SLX9: variants seen among roughly 807,000 people sequenced by gnomAD.
The protein encoded by SLX9 is ribosome biogenesis protein SLX9 homolog.
Under a neutral mutation model 20.8 loss-of-function variants are expected in SLX9, and 19 were observed. The observed-to-expected ratio is 0.91, with a 90% confidence interval of 0.64 to 1.34. SLX9 has a LOEUF of 1.34. Ranked by LOEUF, SLX9 falls within the 40% of genes most tolerant of loss-of-function variation. SLX9 has a pLI of 0.00. For missense variants in SLX9, 299 were observed against 322.2 expected (o/e 0.93, Z 0.55); for synonymous variants, 113 against 137.1 (o/e 0.82, Z 1.23).
rs796975011 is a variant in SLX9, at chr21:44,968,059, C to CGGGCCT, written c.500+893_500+898dup. Among the ~76,000 whole-genome samples, 8 of 151,950 alleles carry CGGGCCT rather than the reference C, an allele frequency of 5.3e-5. No homozygotes were observed. In the South Asian group the frequency reaches 6.2e-4, roughly 12 times the overall value. ...CTTAGTGCATGAGTGGCCAAGCCAGCGGGCCTGGGCCTGGGCCTGGACCCC... is the reference window on the plus strand; with the variant it reads ...CTTAGTGCATGAGTGGCCAAGCCAGCGGGCCTGGGCCTGGGCCTGGGCCTGGACCCC... On this transcript the variant is annotated intron_variant, in intron 4 of 5. Transcript: ENST00000291634.
intron 2 of SLX9, among the ~76,000 whole-genome samples, chr21:44,951,256 C>A (rs954359984): frequency 1.3e-5 from 2 of 152,078 alleles, no homozygotes; most frequent in Non-Finnish European, 2.9e-5. Context: ...CTCCTGGTGG[C>A]GCTGAAGCCC....
Position 44,940,145 on chromosome 21 carries a change from G to C in SLX9, c.88G>C (p.Ala30Pro). 7.6e-7 allele frequency: 1 copy of C among 1,314,462 alleles called. No homozygotes were observed. The highest frequency in any genetic ancestry group is 9.7e-7 in the Non-Finnish European group (1 of 1,027,522). The allele number at this position is 1,314,462 out of a possible 1,614,324, so 81.4% of individuals were successfully genotyped here. A position where few individuals can be genotyped will look rare whatever the true frequency, so the allele number is the denominator to read the frequency against. ...GGCCGCCCCCGGCCCCGCGCCCCCTGCCCCGGAGGCGACCCCTCCGCCGGC... is the reference window on the plus strand; with the variant it reads ...GGCCGCCCCCGGCCCCGCGCCCCCTCCCCCGGAGGCGACCCCTCCGCCGGC... ...GEAAPGPAPPAPEATPPPASA... is the reference protein window; with the variant it reads ...GEAAPGPAPPPPEATPPPASA... Residue 30 changes from alanine to proline, a missense_variant, in exon 1 of 6, where the codon GCC becomes CCC. Transcript: ENST00000291634.
intron 3 of SLX9, among the ~76,000 whole-genome samples, chr21:44,965,072 G>A (rs1031176161): frequency 6.6e-6 from 1 of 152,148 alleles, no homozygotes; most frequent in Admixed American, 6.5e-5. Flanking sequence ...CTACTTTCTT[G>A]TTGCTTGTTC....
intron 2 of SLX9, among the ~76,000 whole-genome samples, chr21:44,958,673 G>T (rs2084902070): frequency 6.6e-6 from 1 of 152,244 alleles, no homozygotes; most frequent in South Asian, 2.1e-4. Flanking sequence ...AGGGCGCCTT[G>T]GGCCCGGAAA....
At chr21:44,940,752 T>C (rs1302500216) in intron 1 of SLX9, among the ~76,000 whole-genome samples, 1 of 152,180 alleles carries the variant, frequency 6.6e-6, no homozygotes, top group Non-Finnish European at 1.5e-5. Flanking sequence ...ATTTTGCGTG[T>C]TCACTGAGCT....
At chr21:44,947,416 G>T (rs1488787674) in intron 2 of SLX9, among the ~76,000 whole-genome samples, 1 of 152,172 alleles carries the variant, frequency 6.6e-6, no homozygotes, top group Non-Finnish European at 1.5e-5. Context: ...CCCAGGGGAG[G>T]GGTCTAGGCT....
intron 2 of SLX9, among the ~76,000 whole-genome samples, chr21:44,948,956 C>A (rs1003400795): frequency 6.6e-6 from 1 of 152,226 alleles, no homozygotes; most frequent in Non-Finnish European, 1.5e-5. Context: ...CCTCAGCCCC[C>A]GCCTTGGCTT....
At chr21:44,975,285 C>T (rs1361056861) in intron 5 of SLX9, among the ~76,000 whole-genome samples, 4 of 152,174 alleles carry the variant, frequency 2.6e-5, no homozygotes, top group Non-Finnish European at 4.4e-5. Context: ...GCTGGTGGTC[C>T]GTGCCCCAAG....
At chr21:44,964,411 T>C (rs1315736050) in intron 3 of SLX9, among the ~76,000 whole-genome samples, 1 of 152,230 alleles carries the variant, frequency 6.6e-6, no homozygotes, top group Admixed American at 6.5e-5. Flanking sequence ...CTTGCCTTTA[T>C]GAGGACAAGC....
intron 5 of SLX9, among the ~76,000 whole-genome samples, chr21:44,976,011 G>A (rs1248507452): frequency 6.6e-6 from 1 of 152,268 alleles, no homozygotes. Flanking sequence ...CCCGCCACCA[G>A]GCTCAGGGCC....
At chr21:44,960,025 C>A in intron 2 of SLX9, 75 bp from the exon 3 acceptor site, 1 of 1,353,462 alleles carries the variant, frequency 7.4e-7, no homozygotes, top group East Asian at 2.3e-5. Context: ...AGTCAGGACC[C>A]GCCCCAGCCC....
intron 4 of SLX9, among the ~76,000 whole-genome samples, chr21:44,971,361 G>A (rs570356953): frequency 2.5e-5 from 3 of 121,350 alleles, no homozygotes; most frequent in East Asian, 4.9e-4. Flanking sequence ...CTCTGTCCCC[G>A]GGGCCCTGAA....
At chr21:44,964,640 C>A (rs2085002130) in intron 3 of SLX9, among the ~76,000 whole-genome samples, 1 of 152,220 alleles carries the variant, frequency 6.6e-6, no homozygotes, top group African/African-American at 2.4e-5. Context: ...GTAGTTGGAA[C>A]CACACACATG....
rs200952167 is a variant in SLX9, at chr21:44,943,806, G to A, written c.252G>A (p.Ser84=). ...VTSVRRGEAG[S]SARSVPSIRR... Reference sequence around the variant, plus strand: ...CCGTCAGGAGAGGTGAGGCAGGCTCGAGTGCACGGAGCGTCCCTTCCATCA... The same window carrying A: ...CCGTCAGGAGAGGTGAGGCAGGCTCAAGTGCACGGAGCGTCCCTTCCATCA... The change falls in exon 2 of 6, where the codon TCG becomes TCA. Residue 84 remains serine, a synonymous_variant. Transcript: ENST00000291634. 198 of 1,613,154 alleles carry A rather than the reference G, an allele frequency of 1.2e-4. 1 individual carries two copies. Among genetic ancestry groups the A allele is most frequent in the Non-Finnish European group, 1.5e-4 (176 of 1,179,974 alleles).
rs576543089 is a variant in SLX9 at position 44,970,505 on chromosome 21, C to G, written c.501-2692C>G. On this transcript the variant is annotated intron_variant, in intron 4 of 5. Transcript: ENST00000291634. ...TGCTGTTTCTCTAGGGAGCCCTGGC[C>G]CCTGTATTGCAGGAGGTGTGAGACC... Among the ~76,000 whole-genome samples, 1,456 of 152,234 alleles carry G rather than the reference C, an allele frequency of 9.6e-3. 21 individuals are homozygous for G. The highest frequency in any genetic ancestry group is 0.033 in the African/African-American group (1,376 of 41,518).
intron 4 of SLX9, chr21:44,969,079 TCTTTCTCCTA>T (rs1241834688): frequency 2.3e-6 from 1 of 440,744 alleles, no homozygotes. Context: ...AAAATAATTT[TCTTTCTCCTA>T]CTAACTTTCC....
chr21:44,966,823 G>A (rs1457244813), intron 3 of SLX9, among the ~76,000 whole-genome samples: 2 of 152,214 alleles, frequency 1.3e-5, no homozygotes, highest in East Asian at 1.9e-4. Context: ...TCAGCCCTGC[G>A]ATTAAAAAGC....
intron 3 of SLX9, among the ~76,000 whole-genome samples, 158 bp from the exon 4 acceptor site, chr21:44,966,876 C>T (rs1352331862): frequency 6.6e-6 from 1 of 152,224 alleles, no homozygotes; most frequent in Non-Finnish European, 1.5e-5. Context: ...CAAGCCTGCC[C>T]GCCCTGCAGG....
intron 5 of SLX9, 121 bp downstream of exon 5, chr21:44,973,386 C>T: frequency 1.6e-6 from 1 of 618,276 alleles, no homozygotes; most frequent in Non-Finnish European, 2.9e-6. Flanking sequence ...AGGGGTTCAG[C>T]TCCTGAGTGC....
Sources: gnomAD v4.1 joint callset for allele counts (sites outside exome capture counted in the v4.1 genomes callset) on GRCh38, gnomAD v4.1.1 for gene constraint, MANE v1.5 for transcripts, NCBI Gene and HGNC (gene_info 2026-07-23, HGNC 2026-07-21) for gene names.